The following TNFSF4 variants were observed in gnomAD, a reference collection of about 807,000 sequenced individuals.
The protein encoded by TNFSF4 is TNF superfamily member 4.
Under a neutral mutation model 7.3 loss-of-function variants are expected in TNFSF4, and 4 were observed. The ratio of observed to expected loss-of-function variants is 0.55; its 90% CI spans 0.27 to 1.25. The LOEUF is 1.25. TNFSF4 is among the 50% of genes most tolerant of loss of function. TNFSF4 has a pLI of 0.12. For missense variants in TNFSF4, 181 were observed against 208.8 expected (o/e 0.87, Z 0.82); for synonymous variants, 76 against 83.7 (o/e 0.91, Z 0.50).
At chr1:173,246,792 T>C in the TNFSF4 span, among the ~76,000 whole-genome samples, 26 of 152,296 alleles carry the variant, frequency 1.7e-4, no homozygotes, top group South Asian at 2.1e-3. Flanking sequence ...CTCTATTCCT[T>C]CCTGGTCCCA....
chr1:173,228,777 A>T, the TNFSF4 span, among the ~76,000 whole-genome samples: 3 of 152,254 alleles, frequency 2.0e-5, no homozygotes, highest in African/African-American at 7.2e-5. Flanking sequence ...AAACTAAGTG[A>T]CGAATGTGCA....
chr1:173,378,362 T>C, the TNFSF4 span, among the ~76,000 whole-genome samples: 1 of 152,156 alleles, frequency 6.6e-6, no homozygotes, highest in African/African-American at 2.4e-5. Flanking sequence ...AACAGCAGGG[T>C]CCAGGGACCG....
At chr1:173,209,501 T>A (rs756163657), upstream of TNFSF4, among the ~76,000 whole-genome samples, 20 of 152,252 alleles carry the variant, frequency 1.3e-4, no homozygotes, top group Non-Finnish European at 1.3e-4. Flanking sequence ...TTTTTTTCAT[T>A]TGCATTTATT....
At chr1:173,275,044 G>A in the TNFSF4 span, among the ~76,000 whole-genome samples, 2 of 152,098 alleles carry the variant, frequency 1.3e-5, no homozygotes, top group African/African-American at 4.8e-5. Context: ...CAACAGCATA[G>A]GTGCTAAGCT....
At chr1:173,407,640 C>T in the TNFSF4 span, among the ~76,000 whole-genome samples, 1 of 146,274 alleles carries the variant, frequency 6.8e-6, no homozygotes, top group African/African-American at 2.5e-5. Flanking sequence ...AGATTAAAAT[C>T]ATCACTATCA....
intron 1 of TNFSF4, 107 bp from the exon 2 acceptor site, chr1:173,188,676 A>AC: frequency 1.1e-6 from 1 of 916,194 alleles, no homozygotes. Context: ...GCCTGTAGAG[A>AC]AAACAAAAAC....
chr1:173,195,501 C>T (rs566823790), intron 1 of TNFSF4, among the ~76,000 whole-genome samples: 1 of 152,320 alleles, frequency 6.6e-6, no homozygotes, highest in East Asian at 1.9e-4. Flanking sequence ...GCTTTTAGCA[C>T]TGGGCTGTCC....
chr1:173,259,324 A>C, the TNFSF4 span, among the ~76,000 whole-genome samples: 45 of 151,928 alleles, frequency 3.0e-4, no homozygotes, highest in Admixed American at 1.7e-3. Context: ...AAAAGACCCC[A>C]AAAAAACCCC....
chr1:173,276,009 A>T, the TNFSF4 span, among the ~76,000 whole-genome samples: 1 of 152,286 alleles, frequency 6.6e-6, no homozygotes, highest in East Asian at 1.9e-4. Context: ...GTCAAAAAGA[A>T]ATTCAATCAA....
chr1:173,206,217 AGT>A (rs1472877193), intron 1 of TNFSF4, among the ~76,000 whole-genome samples: 1 of 152,188 alleles, frequency 6.6e-6, no homozygotes, highest in African/African-American at 2.4e-5. Context: ...ATTTTTCTCC[AGT>A]GGCATCTTCT....
chr1:173,271,674 C>T, the TNFSF4 span, among the ~76,000 whole-genome samples: 4 of 152,014 alleles, frequency 2.6e-5, no homozygotes, highest in Admixed American at 2.0e-4. Flanking sequence ...GTTAGAATGG[C>T]GATCATTAAA....
At chr1:173,416,164 T>C in the TNFSF4 span, among the ~76,000 whole-genome samples, 1,861 of 152,096 alleles carry the variant, frequency 0.012, 39 homozygotes, top group African/African-American at 0.043. Flanking sequence ...TGAGATGTGG[T>C]GGGTGGTGAT....
chr1:173,322,587 G>A, the TNFSF4 span, among the ~76,000 whole-genome samples: 1 of 152,150 alleles, frequency 6.6e-6, no homozygotes, highest in African/African-American at 2.4e-5. Context: ...GCAGGGCGAG[G>A]CATTGCCTCA....
chr1:173,404,980 C>T, the TNFSF4 span, among the ~76,000 whole-genome samples: 1 of 152,096 alleles, frequency 6.6e-6, no homozygotes, highest in Non-Finnish European at 1.5e-5. Flanking sequence ...TCCCCAAAAC[C>T]CCTATCCATT....
At chr1:173,419,224 C>T in the TNFSF4 span, among the ~76,000 whole-genome samples, 1 of 152,014 alleles carries the variant, frequency 6.6e-6, no homozygotes, top group African/African-American at 2.4e-5. Context: ...CACCTGTAGT[C>T]CCAGCTACTT....
At chr1:173,250,584 C>T in the TNFSF4 span, among the ~76,000 whole-genome samples, 5 of 151,970 alleles carry the variant, frequency 3.3e-5, no homozygotes, top group Admixed American at 2.6e-4. Flanking sequence ...CTCAGCCTCC[C>T]GAGTAGCTGG....
the TNFSF4 span, among the ~76,000 whole-genome samples, chr1:173,227,549 T>C: frequency 2.6e-5 from 4 of 152,160 alleles, no homozygotes; most frequent in African/African-American, 9.7e-5. Flanking sequence ...TGGGTTTATC[T>C]CACTGGGGCT....
At chr1:173,373,705 A>G in the TNFSF4 span, among the ~76,000 whole-genome samples, 1 of 152,248 alleles carries the variant, frequency 6.6e-6, no homozygotes, top group African/African-American at 2.4e-5. Flanking sequence ...ATAGGGCACT[A>G]TCCCAGAGAG....
the TNFSF4 span, among the ~76,000 whole-genome samples, chr1:173,381,555 C>T: frequency 1.3e-5 from 2 of 152,192 alleles, no homozygotes; most frequent in Admixed American, 1.3e-4. Flanking sequence ...ACAAATGGAA[C>T]CCCAAATGAG....
Sources: allele counts gnomAD v4.1 joint callset (sites outside exome capture counted in the v4.1 genomes callset), GRCh38; gene constraint gnomAD v4.1.1; transcripts MANE v1.5; gene names NCBI Gene and HGNC (gene_info 2026-07-23, HGNC 2026-07-21).